The following VPS54 variants were observed in gnomAD, a reference collection of about 807,000 sequenced individuals.
VPS54 encodes the protein vacuolar protein sorting-associated protein 54.
VPS54 carries 45 observed loss-of-function variants against 121.5 expected under a neutral mutation model. The observed-to-expected ratio is 0.37, with a 90% CI of 0.29 to 0.47. The LOEUF (loss-of-function observed/expected upper bound fraction) is 0.47, where lower values mean the gene tolerates loss of function less well. Ranked by LOEUF, VPS54 falls within the 20% of genes least tolerant of loss-of-function variation. The pLI is 0.99. For missense variants in VPS54, 1,090 were observed against 1,131.4 expected, an observed-to-expected ratio of 0.96 and a Z score of 0.52; for synonymous variants, 371 against 385.8, an observed-to-expected ratio of 0.96 and a Z score of 0.45.
chr2:63,911,335 C>T (rs560845513), intron 20 of VPS54, among the ~76,000 whole-genome samples: 2 of 152,156 alleles, frequency 1.3e-5, no homozygotes, highest in East Asian at 3.8e-4. Flanking sequence ...AATACAAATT[C>T]CTTAAGCTTC....
chr2:63,952,996 T>A (rs1675324804), intron 7 of VPS54, among the ~76,000 whole-genome samples: 1 of 151,974 alleles, frequency 6.6e-6, no homozygotes, highest in African/African-American at 2.4e-5. Context: ...TTATTTTAAA[T>A]AGATATTACT....
intron 6 of VPS54, among the ~76,000 whole-genome samples, chr2:63,964,824 CA>C (rs1675917538): frequency 6.6e-6 from 1 of 152,094 alleles, no homozygotes; most frequent in Non-Finnish European, 1.5e-5. Context: ...TAAAGTAAAA[CA>C]AAATCACTAC....
At chr2:63,941,112 G>A (rs948329689) in intron 11 of VPS54, among the ~76,000 whole-genome samples, 1 of 152,276 alleles carries the variant, frequency 6.6e-6, no homozygotes, top group Non-Finnish European at 1.5e-5. Context: ...ATGTTAACTA[G>A]TACATAAAAC....
rs1042626087 is a variant in VPS54, at chr2:64,019,300, G to T, written c.-383C>A. On this transcript the variant is annotated 5_prime_UTR_variant, in exon 1 of 23. Coordinates refer to ENST00000272322, the MANE Select transcript of VPS54 (RefSeq NM_016516.3). Reference sequence around the variant, plus strand: ...AGGGGAGCCGCCGCCGCCGCGCCACGACCACTGCCTCTAGCGCTTCTGCTC... The same window carrying T: ...AGGGGAGCCGCCGCCGCCGCGCCACTACCACTGCCTCTAGCGCTTCTGCTC... Among the ~76,000 whole-genome samples the T allele has an allele frequency of 2.7e-5, 4 of 150,540 alleles. No homozygotes were observed. The highest frequency in any genetic ancestry group is 7.3e-5 in the African/African-American group (3 of 41,296).
At chr2:64,011,010 T>A (rs557835208) in intron 1 of VPS54, among the ~76,000 whole-genome samples, 19 of 152,354 alleles carry the variant, frequency 1.2e-4, no homozygotes, top group African/African-American at 4.6e-4. Context: ...AAGTTGCTTA[T>A]TTACTTTTTA....
intron 1 of VPS54, among the ~76,000 whole-genome samples, chr2:63,984,832 A>G (rs750971926): frequency 6.6e-6 from 1 of 152,246 alleles, no homozygotes; most frequent in South Asian, 2.1e-4. Flanking sequence ...ATGAAGCAAT[A>G]TTGAAACTGG....
At position 63,981,728 on chromosome 2, in the gene VPS54, A is replaced by C; in HGVS notation, c.296T>G (p.Val99Gly). The part of the protein sequence containing the change: ...FFTKTWGLDF[V>G]DTEVIPSFYL... ...GAATGAAGGTATGACTTCAGTGTCC[A>C]CAAAGTCCAATCCCCATGTTTTTGT... The change falls in exon 3 of 23, where the codon GTG (valine) becomes GGG (glycine). Residue 99 changes from valine (V) to glycine (G), a missense_variant. By Grantham distance (109) the Val-to-Gly change is moderately radical. Transcript: ENST00000272322. 1.2e-6 allele frequency: 2 copies of C among 1,613,756 alleles called. No individual in the cohort carries two copies. Among genetic ancestry groups the C allele is most frequent in the Non-Finnish European group, 1.7e-6 (2 of 1,179,770 alleles).
At chr2:63,984,797 T>G (rs978465916) in intron 1 of VPS54, among the ~76,000 whole-genome samples, 1 of 152,202 alleles carries the variant, frequency 6.6e-6, no homozygotes, top group African/African-American at 2.4e-5. Flanking sequence ...TAATACAGGC[T>G]ACAGGGTCAG....
chr2:63,972,827 G>C (rs1373384124), intron 3 of VPS54, among the ~76,000 whole-genome samples: 1 of 151,584 alleles, frequency 6.6e-6, no homozygotes, highest in African/African-American at 2.4e-5. Flanking sequence ...GCAGTGAACC[G>C]AGATCATGCC....
At chr2:63,950,784 T>G (rs898105249) in intron 7 of VPS54, among the ~76,000 whole-genome samples, 1 of 151,966 alleles carries the variant, frequency 6.6e-6, no homozygotes, top group Non-Finnish European at 1.5e-5. Context: ...CTTTGTGGCT[T>G]TTTTTTTCCC....
chr2:64,017,065 G>A (rs1038433752), intron 1 of VPS54, among the ~76,000 whole-genome samples: 33 of 149,964 alleles, frequency 2.2e-4, no homozygotes, highest in African/African-American at 6.6e-4. Flanking sequence ...GGCCGGGGCC[G>A]GGGCGGTGGC....
intron 12 of VPS54, among the ~76,000 whole-genome samples, chr2:63,927,470 A>C (rs1358401541): frequency 1.3e-5 from 2 of 152,226 alleles, no homozygotes; most frequent in Non-Finnish European, 2.9e-5. Flanking sequence ...ATCAACATCA[A>C]CAAAAAGAAC....
chr2:63,999,923 C>T (rs553402527), intron 1 of VPS54, among the ~76,000 whole-genome samples: 6 of 152,160 alleles, frequency 3.9e-5, no homozygotes, highest in Non-Finnish European at 2.9e-5. Context: ...TGCAATGGCA[C>T]GATCTCGTCT....
chr2:63,995,561 G>A (rs997562887), intron 1 of VPS54, among the ~76,000 whole-genome samples: 3 of 152,218 alleles, frequency 2.0e-5, no homozygotes, highest in Non-Finnish European at 4.4e-5. Context: ...CGTTACATCA[G>A]TCTATTCAAA....
At chr2:64,018,747 G>GAA (rs35913134) in intron 1 of VPS54, among the ~76,000 whole-genome samples, 191 bp downstream of exon 1, 20 of 116,518 alleles carry the variant, frequency 1.7e-4, no homozygotes, top group African/African-American at 5.4e-4. Context: ...GAGTGAAAAG[G>GAA]AAAAAAAAAA....
chr2:63,920,242 G>C (rs765711655), intron 14 of VPS54, among the ~76,000 whole-genome samples: 2 of 152,076 alleles, frequency 1.3e-5, no homozygotes, highest in African/African-American at 2.4e-5. Flanking sequence ...GGATCTTCCT[G>C]ATAAGTACTT....
chr2:63,975,456 GACT>G (rs2104595828), intron 3 of VPS54: 1 of 158,574 alleles, frequency 6.3e-6, no homozygotes, highest in South Asian at 1.9e-4. Flanking sequence ...TGCAACTGGA[GACT>G]ACAAGATTCT....
At chr2:63,911,906 A>G (rs1673165887) in intron 20 of VPS54, among the ~76,000 whole-genome samples, 2 of 152,230 alleles carry the variant, frequency 1.3e-5, no homozygotes, top group Admixed American at 1.3e-4. Flanking sequence ...ATACTCTCCC[A>G]GTATAACTGC....
intron 11 of VPS54, among the ~76,000 whole-genome samples, chr2:63,934,417 C>T (rs1399692604): frequency 6.6e-6 from 1 of 152,118 alleles, no homozygotes; most frequent in Admixed American, 6.6e-5. Flanking sequence ...TCTCTTTCTC[C>T]TTTTCTCGTA....
Sources: gnomAD v4.1 joint callset for allele counts (sites outside exome capture counted in the v4.1 genomes callset) on GRCh38, gnomAD v4.1.1 for gene constraint, MANE v1.5 for transcripts, NCBI Gene and HGNC (gene_info 2026-07-23, HGNC 2026-07-21) for gene names.